The following SLC47A2 variants were observed in gnomAD, a reference collection of about 807,000 sequenced individuals.
SLC47A2 encodes the protein solute carrier family 47 member 2.
In SLC47A2, 52 loss-of-function variants were observed where a neutral mutation model predicts 67.7. The ratio of observed to expected loss-of-function variants is 0.77; its 90% CI spans 0.61 to 0.97. The LOEUF (loss-of-function observed/expected upper bound fraction) is 0.97. Among genes scored for constraint, SLC47A2 ranks in the 50% least tolerant of loss-of-function variants. SLC47A2 has a pLI of 0.00. For synonymous variants in SLC47A2, 278 were observed against 292.9 expected, an observed-to-expected ratio of 0.95 and a Z score of 0.52; for missense variants, 676 against 712.3, an observed-to-expected ratio of 0.95 and a Z score of 0.58.
chr17:19,690,383 C>A (rs76785216), intron 13 of SLC47A2, among the ~76,000 whole-genome samples: 3,470 of 152,136 alleles, frequency 0.023, 69 homozygotes, highest in African/African-American at 0.052. Flanking sequence ...TTGAATAATA[C>A]CCCCAAAGCA....
At chr17:19,688,580 C>A (rs1364207244) in intron 13 of SLC47A2, among the ~76,000 whole-genome samples, 1 of 152,030 alleles carries the variant, frequency 6.6e-6, no homozygotes, top group African/African-American at 2.4e-5. Context: ...CAGGTGATAT[C>A]ATCTTTTTTG....
At chr17:19,693,704 A>G (rs1277729076) in intron 13 of SLC47A2, among the ~76,000 whole-genome samples, 1 of 152,064 alleles carries the variant, frequency 6.6e-6, no homozygotes, top group African/African-American at 2.4e-5. Flanking sequence ...AGGCTGAGGC[A>G]GGAGACTCGC....
At position 19,678,631 on chromosome 17, in the gene SLC47A2, T is replaced by C. The variant is rs2085240337; in HGVS notation, c.*55A>G. On this transcript the variant is annotated 3_prime_UTR_variant, in exon 17 of 17. Transcript: ENST00000433844. ...GGTGTTTTTGCAGGGCAGACCGTGGTGTGTTTGCATACTGGGGACAGCCAC... is the reference window on the plus strand; with the variant it reads ...GGTGTTTTTGCAGGGCAGACCGTGGCGTGTTTGCATACTGGGGACAGCCAC... The C allele has an allele frequency of 6.4e-7, 1 of 1,564,194 alleles. No individual in the cohort carries two copies. Among genetic ancestry groups the C allele is most frequent in the Non-Finnish European group, 8.8e-7 (1 of 1,137,858 alleles).
At chr17:19,692,303 A>T in intron 13 of SLC47A2, 1 of 440,614 alleles carries the variant, frequency 2.3e-6, no homozygotes, top group Non-Finnish European at 4.5e-6. Context: ...TGGTAAAATA[A>T]AACCAAAAAA....
chr17:19,682,363 A>ACACACACC (rs369670906), intron 13 of SLC47A2, among the ~76,000 whole-genome samples: 4 of 151,136 alleles, frequency 2.6e-5, no homozygotes, highest in African/African-American at 9.8e-5. Context: ...ACACACACAC[A>ACACACACC]CAAATTTATT....
In SLC47A2 at chr17:19,713,830, C is replaced by T; in HGVS notation, c.438G>A (p.Val146=). The change falls in exon 4 of 17, where the codon GTG becomes GTA. Residue 146 remains valine, a synonymous_variant. Coordinates refer to ENST00000433844, the MANE Select transcript of SLC47A2 (RefSeq NM_001099646.3). ...CCAGCCGGAGCCCAGCGCACCTGGACACGTCCGGGTCCTGCCGGAAGAGCA... is the reference window on the plus strand; with the variant it reads ...CCAGCCGGAGCCCAGCGCACCTGGATACGTCCGGGTCCTGCCGGAAGAGCA... The part of the protein sequence containing the change: ...ILLLFRQDPD[V]SRLTQDYVMI... The T allele has an allele frequency of 1.2e-6, 2 of 1,611,268 alleles. No individual in the cohort carries two copies. Among genetic ancestry groups the T allele is most frequent in the Non-Finnish European group, 1.7e-6 (2 of 1,178,968 alleles).
chr17:19,714,237 A>G (rs998060217), intron 3 of SLC47A2, among the ~76,000 whole-genome samples: 1 of 152,160 alleles, frequency 6.6e-6, no homozygotes. Context: ...GGTTAAGTGG[A>G]GCCAGGACAA....
chr17:19,678,941 A>AG (rs1362093804), intron 16 of SLC47A2, 35 bp from the exon 17 acceptor site: 2 of 1,536,544 alleles, frequency 1.3e-6, no homozygotes, highest in South Asian at 2.4e-5. Flanking sequence ...TCAGCAGGTC[A>AG]GGGGTCAGAG....
At chr17:19,700,419 G>A (rs1423444763) in intron 13 of SLC47A2, among the ~76,000 whole-genome samples, 1 of 152,190 alleles carries the variant, frequency 6.6e-6, no homozygotes, top group Non-Finnish European at 1.5e-5. Context: ...TGGTAGCCAA[G>A]TGACTAGAGA....
chr17:19,707,616 G>A lies in SLC47A2; in HGVS notation c.727+130C>T. On this transcript the variant is annotated intron_variant, in intron 8 of 16. Transcript: ENST00000433844. ...TGGGGAAGCAAAGGGGAAGGAGGGGGCCGTGCAGGGTCCTGCACCTCCTCC... is the reference window on the plus strand; with the variant it reads ...TGGGGAAGCAAAGGGGAAGGAGGGGACCGTGCAGGGTCCTGCACCTCCTCC... 6 of 708,334 alleles carry A rather than the reference G, an allele frequency of 8.5e-6. No individual in the cohort carries two copies. In the South Asian group the frequency reaches 1.2e-4, roughly 14 times the overall value. 43.9% of individuals were successfully genotyped at this position (708,334 alleles called of 1,614,324 possible).
rs756940815 is a variant in SLC47A2, at chr17:19,715,159, T to C, written c.182A>G (p.His61Arg). 31 of 1,612,308 alleles carry C rather than the reference T, an allele frequency of 1.9e-5. No individual in the cohort carries two copies. The highest frequency in any genetic ancestry group is 2.6e-5 in the Non-Finnish European group (31 of 1,179,990). ...CGATGCCAGCTCCACCTTGCCCAGG[T>C]GCCCGCAGAACACAGTGCTCACGAT... ...IYIVSTVFCG[H>R]LGKVELASVT... Residue 61 changes from histidine to arginine, a missense_variant, in exon 2 of 17, where the codon CAC (histidine) becomes CGC (arginine). Physicochemically the swap from His to Arg is conservative, Grantham distance 29 (BLOSUM62 0). Transcript: ENST00000433844.
In SLC47A2 at chr17:19,705,575, C is replaced by G. The variant is rs1472458043; in HGVS notation, c.842-72G>C. 6.2e-6 allele frequency: 9 copies of G among 1,446,486 alleles called. No homozygotes were observed. In the East Asian group the frequency reaches 2.0e-4, roughly 32 times the overall value. 89.6% of individuals were successfully genotyped at this position (1,446,486 alleles called of 1,614,324 possible). On this transcript the variant is annotated intron_variant, in intron 9 of 16. Coordinates refer to ENST00000433844, the MANE Select transcript of SLC47A2 (RefSeq NM_001099646.3). ...CAGACCCTGCGCCGACAGGACGCTG[C>G]TTTGCTTTGGGGACTCAGGGGCTTT... is the stretch of plus-strand genomic sequence containing the variant.
chr17:19,685,861 G>A lies in SLC47A2; in HGVS notation c.1165-4191C>T, dbSNP rs968759113. ...CAAGACATAGTGTAAGATATAAATAGAAACAACAAAGTTAAGAAACAGCAG... is the reference window on the plus strand; with the variant it reads ...CAAGACATAGTGTAAGATATAAATAAAAACAACAAAGTTAAGAAACAGCAG... On this transcript the variant is annotated intron_variant, in intron 13 of 16. Coordinates refer to ENST00000433844, the MANE Select transcript of SLC47A2 (RefSeq NM_001099646.3). The surrounding 1 kb of genome is among the most constrained non-coding windows in gnomAD (Gnocchi z 4.5). Among the ~76,000 whole-genome samples the A allele has an allele frequency of 1.3e-5, 2 of 152,194 alleles. No individual in the cohort carries two copies. The highest frequency in any genetic ancestry group is 2.9e-5 in the Non-Finnish European group (2 of 68,026).
chr17:19,701,307 C>T (rs966099478), intron 13 of SLC47A2, among the ~76,000 whole-genome samples: 1 of 152,036 alleles, frequency 6.6e-6, no homozygotes, highest in African/African-American at 2.4e-5. Flanking sequence ...TCTGCTGAGG[C>T]TAAGAACATG....
chr17:19,709,301 G>A (rs1329829376), intron 5 of SLC47A2, among the ~76,000 whole-genome samples: 1 of 152,252 alleles, frequency 6.6e-6, no homozygotes, highest in African/African-American at 2.4e-5. Flanking sequence ...CCATAGGGGA[G>A]TGTACGTGGC....
At chr17:19,714,337 G>A in intron 3 of SLC47A2, 1 of 401,322 alleles carries the variant, frequency 2.5e-6, no homozygotes, top group Non-Finnish European at 4.6e-6. Flanking sequence ...AGCCCCTGCT[G>A]GACTGCAGGC....
At chr17:19,714,399 C>T (rs2086193557) in intron 3 of SLC47A2, 2 of 482,276 alleles carry the variant, frequency 4.1e-6, no homozygotes, top group African/African-American at 3.9e-5. Flanking sequence ...CGACACATGC[C>T]TGCATGTAGG....
chr17:19,695,357 C>T (rs1205644313), intron 13 of SLC47A2, among the ~76,000 whole-genome samples: 2 of 151,450 alleles, frequency 1.3e-5, no homozygotes, highest in Non-Finnish European at 2.9e-5. Flanking sequence ...TGCATTGGCT[C>T]ATGCCTGTAA....
At chr17:19,692,777 T>A (rs1439387051) in intron 13 of SLC47A2, among the ~76,000 whole-genome samples, 3 of 152,200 alleles carry the variant, frequency 2.0e-5, no homozygotes, top group Non-Finnish European at 4.4e-5. Context: ...TCAGAATTTT[T>A]AACAAAATAT....
Sources: allele counts gnomAD v4.1 joint callset (sites outside exome capture counted in the v4.1 genomes callset), GRCh38; gene constraint gnomAD v4.1.1; non-coding constraint Gnocchi (gnomAD v3.1); transcripts MANE v1.5; gene names NCBI Gene and HGNC (gene_info 2026-07-23, HGNC 2026-07-21).